Variants in KLC4 observed in about 807,000 individuals in gnomAD.
The protein encoded by KLC4 is kinesin-like protein 8.
In KLC4, 49 loss-of-function variants were observed where a neutral mutation model predicts 77.2. The ratio of observed to expected loss-of-function variants is 0.63; its 90% CI spans 0.50 to 0.80. The LOEUF is 0.80. Among genes scored for constraint, KLC4 ranks in the 30% least tolerant of loss-of-function variants. The pLI is 0.00. For synonymous variants in KLC4, 274 were observed against 314.5 expected (o/e 0.87, Z 1.36); for missense variants, 669 against 793.5 (o/e 0.84, Z 1.89).
At position 43,069,767 on chromosome 6, in the gene KLC4, C is replaced by T. The variant is rs190017960; in HGVS notation, c.880-587C>T. Among the ~76,000 whole-genome samples the T allele has an allele frequency of 5.7e-4, 86 of 151,536 alleles. No individual in the cohort carries two copies. In the East Asian group the frequency reaches 0.015, roughly 27 times the overall value. On this transcript the variant is annotated intron_variant, in intron 6 of 15. Coordinates refer to ENST00000347162, the MANE Select transcript of KLC4 (RefSeq NM_201521.3). The stretch of plus-strand genomic sequence containing the variant: ...TTCTCCATGTTGGTCAGGCTGGTCT[C>T]GAACTCCTGACCTCAGGTGATCCGC...
chr6:43,067,603 G>A (rs1331377964), intron 6 of KLC4, among the ~76,000 whole-genome samples: 1 of 151,688 alleles, frequency 6.6e-6, no homozygotes, highest in Non-Finnish European at 1.5e-5. Flanking sequence ...GACCATCCTG[G>A]CTAACATGGT....
Position 43,074,413 on chromosome 6 carries a change from T to C in KLC4, c.1810-209T>C, listed in dbSNP as rs1204490198. The C allele has an allele frequency of 5.1e-6, 3 of 590,004 alleles. No homozygotes were observed. The African/African-American group carries it at 5.6e-5, about 11-fold the overall frequency. The allele number at this position is 590,004 out of a possible 1,614,324, so 36.5% of individuals were successfully genotyped here. ...GTATATGCCAGTATTCATGTGGTTC[T>C]TCCAGGTAGCTTCTCCACCAGATTG... On this transcript the variant is annotated intron_variant, in intron 15 of 15. Transcript: ENST00000347162.
chr6:43,073,266 T>C lies in KLC4; in HGVS notation c.1673T>C (p.Ile558Thr). Residue 558 changes from isoleucine (I) to threonine (T), a missense_variant, in exon 14 of 16, where the codon ATC becomes ACC. Ile to Thr is a moderately conservative substitution (Grantham distance 89). Coordinates refer to ENST00000347162, the MANE Select transcript of KLC4 (RefSeq NM_201521.3). ...CAGAGGAGTGGCTCTCTTGGCAAGA[T>C]CCGGGATGTGCTCCGCAGAAGCAGT... ...TLQRSGSLGK[I>T]RDVLRRSSEL... 6.2e-7 allele frequency: 1 copy of C among 1,614,122 alleles called. No homozygotes were observed. Among genetic ancestry groups the C allele is most frequent in the African/African-American group, 1.3e-5 (1 of 75,022 alleles).
At chr6:43,064,980 A>G (rs986267383) in intron 3 of KLC4, among the ~76,000 whole-genome samples, 1 of 152,230 alleles carries the variant, frequency 6.6e-6, no homozygotes, top group African/African-American at 2.4e-5. Flanking sequence ...CAGGACAGAC[A>G]TACAATCAAC....
intron 3 of KLC4, among the ~76,000 whole-genome samples, chr6:43,064,040 T>C (rs1765297345): frequency 6.6e-6 from 1 of 152,012 alleles, no homozygotes; most frequent in African/African-American, 2.4e-5. Flanking sequence ...CTTTGCCATG[T>C]TGACCAGGCT....
chr6:43,070,922 GGGGA>G lies in KLC4; in HGVS notation c.1155+61_1155+64del, dbSNP rs201837324. 1,553 of 394,698 alleles carry G rather than the reference GGGGA, an allele frequency of 3.9e-3. 19 individuals carry two copies. Among genetic ancestry groups the G allele is most frequent in the East Asian group, 0.021 (286 of 13,556 alleles). 24.4% of individuals were successfully genotyped at this position (394,698 alleles called of 1,614,324 possible). Reference sequence around the variant, plus strand: ...AACGGAGAGGGGGGCACAGAGGTGGGGGGAGGGGGGGCAGGCGGAGAGGCCACTT... The same window carrying G: ...AACGGAGAGGGGGGCACAGAGGTGGGGGGGGGGCAGGCGGAGAGGCCACTT... On this transcript the variant is annotated intron_variant, in intron 8 of 15. Coordinates refer to ENST00000347162, the MANE Select transcript of KLC4 (RefSeq NM_201521.3).
chr6:43,071,200 T>TAAAAAA, intron 8 of KLC4, 75 bp from the exon 9 acceptor site: 2 of 644,518 alleles, frequency 3.1e-6, no homozygotes, highest in Non-Finnish European at 5.2e-6. Flanking sequence ...AGACCTTGTC[T>TAAAAAA]AAAAAAAAAA....
At chr6:43,072,102 C>G (rs775940953) in intron 11 of KLC4, 45 bp from the exon 12 acceptor site, 4 of 1,528,360 alleles carry the variant, frequency 2.6e-6, no homozygotes, top group African/African-American at 1.4e-5. Flanking sequence ...GTTTTGTTTT[C>G]TGAACTCATT....
intron 5 of KLC4, 137 bp downstream of exon 5, chr6:43,066,662 T>G (rs189050569): frequency 1.5e-4 from 107 of 723,304 alleles, no homozygotes; most frequent in Admixed American, 6.2e-4. Flanking sequence ...ACAGGGTGCT[T>G]CTTTATGTGC....
At chr6:43,063,570 T>TTTA in intron 3 of KLC4, among the ~76,000 whole-genome samples, 1 of 151,884 alleles carries the variant, frequency 6.6e-6, no homozygotes, top group Admixed American at 6.6e-5. Context: ...TTTTTTTTTT[T>TTTA]GAGACGGAGT....
chr6:43,070,438 C>G lies in KLC4; in HGVS notation c.964C>G (p.Leu322Val). 1 of 1,613,672 alleles carries G rather than the reference C, an allele frequency of 6.2e-7. No individual in the cohort carries two copies. Among genetic ancestry groups the G allele is most frequent in the Non-Finnish European group, 8.5e-7 (1 of 1,179,560 alleles). ...KEAEPLCQRA[L>V]EIREKVLGTN... Reference sequence around the variant, plus strand: ...GGCAGAGCCTCTGTGCCAGCGGGCACTGGAGATTCGAGAAAAGGTACCCAT... The same window carrying G: ...GGCAGAGCCTCTGTGCCAGCGGGCAGTGGAGATTCGAGAAAAGGTACCCAT... The change falls in exon 7 of 16, where the codon CTG becomes GTG. Residue 322 changes from leucine to valine, a missense_variant. Coordinates refer to ENST00000347162, the MANE Select transcript of KLC4 (RefSeq NM_201521.3).
intron 15 of KLC4, chr6:43,074,222 G>T (rs1765865001): frequency 2.2e-6 from 1 of 462,706 alleles, no homozygotes; most frequent in Non-Finnish European, 3.8e-6. Flanking sequence ...TGGTACTTTG[G>T]AATTATGAAT....
At position 43,063,239 on chromosome 6, in the gene KLC4, T is replaced by G; in HGVS notation, c.489+92T>G. On this transcript the variant is annotated intron_variant, in intron 3 of 15. Transcript: ENST00000347162. ...ATTGCCCCATCATCCTCAGGGTCCA[T>G]CAGCTCTACCCAACCTGCTCTCACC... 5.2e-6 allele frequency: 5 copies of G among 965,240 alleles called. No individual in the cohort carries two copies. The South Asian group carries it at 7.9e-5, about 15-fold the overall frequency. 59.8% of individuals were successfully genotyped at this position (965,240 alleles called of 1,614,324 possible). A position where few individuals can be genotyped will look rare whatever the true frequency, so the allele number is the denominator to read the frequency against.
In KLC4 at chr6:43,070,760, G is replaced by T; in HGVS notation, c.1050G>T (p.Gln350His). The T allele has an allele frequency of 6.2e-7, 1 of 1,614,152 alleles. No individual in the cohort carries two copies. Among genetic ancestry groups the T allele is most frequent in the Non-Finnish European group, 8.5e-7 (1 of 1,180,026 alleles). Residue 350 changes from glutamine to histidine, a missense_variant, in exon 8 of 16, where the codon CAG becomes CAT. By Grantham distance (24) the Gln-to-His change is conservative. Coordinates refer to ENST00000347162, the MANE Select transcript of KLC4 (RefSeq NM_201521.3). Reference protein sequence around the residue: ...LNNLALLCQNQGKYEAVERYY... With the variant: ...LNNLALLCQNHGKYEAVERYY... ...ACCTGGCCCTCTTGTGCCAAAACCAGGGCAAGTATGAGGCCGTGGAACGCT... is the reference window on the plus strand; with the variant it reads ...ACCTGGCCCTCTTGTGCCAAAACCATGGCAAGTATGAGGCCGTGGAACGCT...
chr6:43,063,042 G>A lies in KLC4; in HGVS notation c.384G>A (p.Gln128=), dbSNP rs761313901. The change falls in exon 3 of 16, where the codon CAG becomes CAA. Residue 128 remains glutamine, a synonymous_variant. Coordinates refer to ENST00000347162, the MANE Select transcript of KLC4 (RefSeq NM_201521.3). The stretch of plus-strand genomic sequence containing the variant: ...GGGATGAGCTGGCTGGCACCCAGCA[G>A]CGGCTACAGCGCAGTGAACAGGCTG... ...WLRDELAGTQ[Q]RLQRSEQAVA... The A allele has an allele frequency of 3.1e-6, 5 of 1,614,144 alleles. No homozygotes were observed. The South Asian group carries it at 5.5e-5, about 18-fold the overall frequency.
Position 43,071,874 on chromosome 6 carries a change from C to T in KLC4, c.1331C>T (p.Thr444Ile), listed in dbSNP as rs751866589. 1.2e-6 allele frequency: 2 copies of T among 1,612,550 alleles called. No homozygotes were observed. Among genetic ancestry groups the T allele is most frequent in the Non-Finnish European group, 1.7e-6 (2 of 1,179,772 alleles). Residue 444 changes from threonine to isoleucine, a missense_variant, in exon 11 of 16, where the codon ACA becomes ATA. Transcript: ENST00000347162. Reference sequence around the variant, plus strand: ...CAGAGCCGGCACCATGAGGGTGGGACACCCTATGCTGAGTATGGAGGCTGG... The same window carrying T: ...CAGAGCCGGCACCATGAGGGTGGGATACCCTATGCTGAGTATGGAGGCTGG... ...MSKSRHHEGGTPYAEYGGWYK... is the reference protein window; with the variant it reads ...MSKSRHHEGGIPYAEYGGWYK...
intron 3 of KLC4, among the ~76,000 whole-genome samples, chr6:43,063,702 T>C (rs1485883495): frequency 6.6e-6 from 1 of 152,118 alleles, no homozygotes; most frequent in Non-Finnish European, 1.5e-5. Context: ...TGCAGGCACC[T>C]GCCACCACGC....
chr6:43,066,614 T>C, intron 5 of KLC4, 89 bp downstream of exon 5: 1 of 1,164,570 alleles, frequency 8.6e-7, no homozygotes, highest in Admixed American at 2.0e-5. Context: ...CTTTACAGGG[T>C]ACCTCTCCTC....
At position 43,061,459 on chromosome 6, in the gene KLC4, G is replaced by C; in HGVS notation, c.124G>C (p.Ala42Pro). Residue 42 changes from alanine (A) to proline (P), a missense_variant, in exon 2 of 16, where the codon GCC becomes CCC. Transcript: ENST00000347162. Reference sequence around the variant, plus strand: ...AGAGGCCCTACGCAGTGAACACCAGGCCGTGCTGCAAAGCCTGTCCCAGAC... The same window carrying C: ...AGAGGCCCTACGCAGTGAACACCAGCCCGTGCTGCAAAGCCTGTCCCAGAC... ...GLEALRSEHQAVLQSLSQTIE... is the reference protein window; with the variant it reads ...GLEALRSEHQPVLQSLSQTIE... The C allele has an allele frequency of 6.2e-7, 1 of 1,614,190 alleles. No homozygotes were observed. The highest frequency in any genetic ancestry group is 8.5e-7 in the Non-Finnish European group (1 of 1,180,026).
Sources: allele counts gnomAD v4.1 joint callset (sites outside exome capture counted in the v4.1 genomes callset), GRCh38; gene constraint gnomAD v4.1.1; transcripts MANE v1.5; gene names NCBI Gene and HGNC (gene_info 2026-07-23, HGNC 2026-07-21).